Variants in MAPKAP1 observed in about 807,000 individuals in gnomAD.
MAPKAP1 encodes MAPK associated protein 1.
Under a neutral mutation model 65.7 loss-of-function variants are expected in MAPKAP1, and 20 were observed. The observed-to-expected ratio is 0.30, with a 90% CI of 0.21 to 0.44. The LOEUF is 0.44. Among genes scored for constraint, MAPKAP1 ranks in the 20% least tolerant of loss-of-function variants. The pLI, the probability that MAPKAP1 is intolerant of heterozygous loss-of-function variation, is 1.00. For missense variants in MAPKAP1, 423 were observed against 648.0 expected, an observed-to-expected ratio of 0.65 and a Z score of 3.77; for synonymous variants, 222 against 244.3, an observed-to-expected ratio of 0.91 and a Z score of 0.85.
intron 1 of MAPKAP1, among the ~76,000 whole-genome samples, chr9:125,682,575 C>A (rs1834856241): frequency 6.6e-6 from 1 of 152,066 alleles, no homozygotes; most frequent in Non-Finnish European, 1.5e-5. Flanking sequence ...ATAATGTGGC[C>A]CCTAAATTAT....
intron 9 of MAPKAP1, among the ~76,000 whole-genome samples, chr9:125,480,191 C>T (rs768000889): frequency 5.3e-5 from 8 of 152,130 alleles, no homozygotes; most frequent in Admixed American, 2.6e-4. Flanking sequence ...GTGTAATCTA[C>T]GTGGGATGGG....
chr9:125,580,802 C>G (rs868595964), intron 5 of MAPKAP1, among the ~76,000 whole-genome samples: 1 of 152,100 alleles, frequency 6.6e-6, no homozygotes, highest in Non-Finnish European at 1.5e-5. Context: ...GTAATCATCA[C>G]CAAGATACAA....
intron 7 of MAPKAP1, among the ~76,000 whole-genome samples, chr9:125,533,026 G>A (rs1400480101): frequency 6.6e-6 from 1 of 152,168 alleles, no homozygotes; most frequent in Admixed American, 6.5e-5. Flanking sequence ...AGGGCCAGCA[G>A]GCAAACAAGT....
At chr9:125,539,859 A>C (rs1213697090) in intron 7 of MAPKAP1, among the ~76,000 whole-genome samples, 1 of 152,272 alleles carries the variant, frequency 6.6e-6, no homozygotes, top group African/African-American at 2.4e-5. Flanking sequence ...TCAGTAAAAA[A>C]AAATGAAAGG....
At chr9:125,541,760 T>C (rs1430386793) in intron 7 of MAPKAP1, among the ~76,000 whole-genome samples, 3 of 152,220 alleles carry the variant, frequency 2.0e-5, no homozygotes, top group African/African-American at 4.8e-5. Context: ...ACTTGTTCAT[T>C]ATGAGTGATG....
In MAPKAP1 at chr9:125,509,099, T is replaced by C. The variant is rs148242476; in HGVS notation, c.959-2682A>G. On this transcript the variant is annotated intron_variant, in intron 7 of 11. Transcript: ENST00000265960. Reference sequence around the variant, plus strand: ...GACTATAGTTACCAACAATGTACTATATATTTCAAAACAAGCTAGAATAGT... The same window carrying C: ...GACTATAGTTACCAACAATGTACTACATATTTCAAAACAAGCTAGAATAGT... Among the ~76,000 whole-genome samples, 684 of 152,276 alleles carry C rather than the reference T, an allele frequency of 4.5e-3. 6 individuals carry two copies. Among genetic ancestry groups the C allele is most frequent in the African/African-American group, 0.015 (637 of 41,570 alleles).
At chr9:125,467,315 TTAATC>T (rs1564521198) in intron 10 of MAPKAP1, among the ~76,000 whole-genome samples, 1 of 152,210 alleles carries the variant, frequency 6.6e-6, no homozygotes, top group African/African-American at 2.4e-5. Context: ...GATTAAGTGA[TTAATC>T]TAAATGCTAC....
intron 1 of MAPKAP1, among the ~76,000 whole-genome samples, chr9:125,685,749 C>T (rs760825581): frequency 4.6e-5 from 7 of 152,262 alleles, no homozygotes; most frequent in Non-Finnish European, 8.8e-5. Context: ...ACTATGCTGC[C>T]AGTTTCTAGT....
At position 125,565,065 on chromosome 9, in the gene MAPKAP1, G is replaced by A. The variant is rs568188200; in HGVS notation, c.672-5256C>T. Among the ~76,000 whole-genome samples the A allele has an allele frequency of 4.0e-4, 61 of 152,214 alleles. No individual in the cohort carries two copies. The South Asian group carries it at 0.011, about 28-fold the overall frequency. ...AGAGCCTGCTGCCAAAAGAGAGGTGGGTGTGGGGGTGTACAGGGCAGAATA... is the reference window on the plus strand; with the variant it reads ...AGAGCCTGCTGCCAAAAGAGAGGTGAGTGTGGGGGTGTACAGGGCAGAATA... On this transcript the variant is annotated intron_variant, in intron 5 of 11. Transcript: ENST00000265960.
At chr9:125,509,464 ATAAACT>A (rs1360245489) in intron 7 of MAPKAP1, among the ~76,000 whole-genome samples, 2 of 152,224 alleles carry the variant, frequency 1.3e-5, no homozygotes, top group East Asian at 1.9e-4. Context: ...AAAACACCAG[ATAAACT>A]TAAAAGTTCT....
intron 4 of MAPKAP1, among the ~76,000 whole-genome samples, chr9:125,607,766 C>T (rs190292870): frequency 4.6e-5 from 7 of 152,348 alleles, no homozygotes; most frequent in African/African-American, 1.7e-4. Context: ...AGCGATTCTC[C>T]TGCCTCAGCC....
At chr9:125,486,571 T>A (rs775373145) in intron 8 of MAPKAP1, among the ~76,000 whole-genome samples, 1 of 152,246 alleles carries the variant, frequency 6.6e-6, no homozygotes, top group Non-Finnish European at 1.5e-5. Flanking sequence ...GGGCAAGTAT[T>A]TTAAGTCAAA....
intron 4 of MAPKAP1, among the ~76,000 whole-genome samples, chr9:125,634,163 C>T (rs908906171): frequency 3.9e-5 from 6 of 152,170 alleles, no homozygotes; most frequent in African/African-American, 1.4e-4. Flanking sequence ...GGGGCTCCTT[C>T]ATTTTTAATT....
At chr9:125,597,198 G>A (rs928044608) in intron 4 of MAPKAP1, among the ~76,000 whole-genome samples, 14 of 149,384 alleles carry the variant, frequency 9.4e-5, no homozygotes, top group African/African-American at 3.3e-4. Flanking sequence ...CCAGGAGGTG[G>A]AGCTTGCAAT....
intron 7 of MAPKAP1, among the ~76,000 whole-genome samples, chr9:125,527,811 G>A (rs118187635): frequency 0.02 from 3,037 of 152,268 alleles, 50 homozygotes; most frequent in Non-Finnish European, 0.032. Context: ...ACATCATTAC[G>A]GGAATCTGGG....
In MAPKAP1 at chr9:125,701,787, C is replaced by T. The variant is rs141905840; in HGVS notation, c.-70+5184G>A. Among the ~76,000 whole-genome samples the T allele has an allele frequency of 2.8e-4, 42 of 152,274 alleles. 1 individual carries two copies. In the South Asian group the frequency reaches 4.1e-3, roughly 15 times the overall value. ...GGTAGCATTTAAAGTGCTAAGAGCA[C>T]AAAATAGAAGTGTTATAAGGTCATC... On this transcript the variant is annotated intron_variant, in intron 1 of 11. Coordinates refer to ENST00000265960, the MANE Select transcript of MAPKAP1 (RefSeq NM_001006617.3).
At chr9:125,650,947 A>G (rs190746897) in intron 4 of MAPKAP1, among the ~76,000 whole-genome samples, 1 of 151,876 alleles carries the variant, frequency 6.6e-6, no homozygotes, top group East Asian at 1.9e-4. Context: ...AAATAATCTC[A>G]CAAAGAGATG....
At chr9:125,512,121 G>C (rs775466145) in intron 7 of MAPKAP1, among the ~76,000 whole-genome samples, 4 of 152,220 alleles carry the variant, frequency 2.6e-5, no homozygotes, top group Non-Finnish European at 5.9e-5. Flanking sequence ...CAGCTTCCTC[G>C]ATCCCTTTAA....
chr9:125,657,941 A>G (rs871390), intron 3 of MAPKAP1, 142 bp from the exon 4 acceptor site: 15,055 of 742,832 alleles, frequency 0.02, 909 homozygotes, highest in East Asian at 0.17. Context: ...AAGCCCCACA[A>G]TATACCGTGC....
Sources: allele counts gnomAD v4.1 joint callset (sites outside exome capture counted in the v4.1 genomes callset), GRCh38; gene constraint gnomAD v4.1.1; transcripts MANE v1.5; gene names NCBI Gene and HGNC (gene_info 2026-07-23, HGNC 2026-07-21).